Variants in AP2B1 observed in about 807,000 individuals in gnomAD.
AP2B1 encodes the protein AP-2 complex subunit beta.
Under a neutral mutation model 102.0 loss-of-function variants are expected in AP2B1, and 23 were observed. The ratio of observed to expected loss-of-function variants is 0.23; its 90% CI spans 0.16 to 0.32. The LOEUF is 0.32. Ranked by LOEUF, AP2B1 falls within the 10% of genes least tolerant of loss-of-function variation. The pLI, the probability that AP2B1 is intolerant of heterozygous loss-of-function variation, is 1.00. For missense variants in AP2B1, 541 were observed against 1,157.4 expected (o/e 0.47, Z 7.73); for synonymous variants, 381 against 421.2 (o/e 0.90, Z 1.17).
chr17:35,632,797 T>C (rs1264923474), intron 9 of AP2B1, among the ~76,000 whole-genome samples: 1 of 152,088 alleles, frequency 6.6e-6, no homozygotes, highest in Non-Finnish European at 1.5e-5. Context: ...TTAATGATAA[T>C]ACTACGGATT....
intron 14 of AP2B1, among the ~76,000 whole-genome samples, chr17:35,669,166 G>A (rs2075533947): frequency 6.7e-6 from 1 of 148,522 alleles, no homozygotes; most frequent in Admixed American, 6.7e-5. Flanking sequence ...TTTCCGAGAT[G>A]GAGTCTTGCT....
At chr17:35,635,628 T>C (rs1372493881) in intron 9 of AP2B1, among the ~76,000 whole-genome samples, 1 of 152,116 alleles carries the variant, frequency 6.6e-6, no homozygotes, top group East Asian at 1.9e-4. Flanking sequence ...ATGATCCAGC[T>C]GCCTCGGCCT....
chr17:35,618,746 C>G (rs551619864), intron 5 of AP2B1, among the ~76,000 whole-genome samples: 95 of 152,114 alleles, frequency 6.2e-4, no homozygotes, highest in African/African-American at 2.2e-3. Flanking sequence ...TTTATTCTAA[C>G]CATACCTACT....
chr17:35,611,890 T>G (rs191490317), intron 5 of AP2B1, among the ~76,000 whole-genome samples: 1 of 152,336 alleles, frequency 6.6e-6, no homozygotes. Flanking sequence ...TATCATAATA[T>G]TATAGTAAAC....
intron 9 of AP2B1, among the ~76,000 whole-genome samples, chr17:35,635,693 T>G (rs1276934159): frequency 1.3e-5 from 2 of 151,860 alleles, no homozygotes; most frequent in Non-Finnish European, 2.9e-5. Context: ...TGGCCTTTTG[T>G]TTGTTTGTGT....
intron 21 of AP2B1, among the ~76,000 whole-genome samples, chr17:35,720,577 T>TTTA (rs2085354103): frequency 2.0e-5 from 1 of 49,940 alleles, no homozygotes; most frequent in Non-Finnish European, 3.8e-5. Flanking sequence ...ATATATATTT[T>TTTA]TTTTTTTTTT....
At chr17:35,723,565 T>C in intron 21 of AP2B1, 60 bp from the exon 22 acceptor site, 1 of 1,131,836 alleles carries the variant, frequency 8.8e-7, no homozygotes, top group Non-Finnish European at 1.3e-6. Context: ...AGTGCTTGGA[T>C]ACCTTTAGAG....
intron 5 of AP2B1, among the ~76,000 whole-genome samples, chr17:35,620,752 G>A (rs2074152268): frequency 6.6e-6 from 1 of 152,152 alleles, no homozygotes; most frequent in Non-Finnish European, 1.5e-5. Context: ...AGGAGTTTGA[G>A]ATTACAGTGA....
chr17:35,717,511 C>T (rs1167294107), intron 21 of AP2B1, among the ~76,000 whole-genome samples, 162 bp downstream of exon 21: 4 of 152,276 alleles, frequency 2.6e-5, no homozygotes, highest in South Asian at 4.1e-4. Flanking sequence ...CAATGGAAGA[C>T]CTCCTCTCTG....
chr17:35,673,033 A>T (rs2075622692), intron 16 of AP2B1, among the ~76,000 whole-genome samples: 1 of 152,088 alleles, frequency 6.6e-6, no homozygotes, highest in Admixed American at 6.5e-5. Flanking sequence ...TACTGAATTG[A>T]TACACCATAA....
chr17:35,597,538 G>A (rs2073333111), intron 2 of AP2B1, among the ~76,000 whole-genome samples: 1 of 152,182 alleles, frequency 6.6e-6, no homozygotes, highest in South Asian at 2.1e-4. Context: ...GGGCCTTAAA[G>A]CCCACTGATT....
intron 3 of AP2B1, among the ~76,000 whole-genome samples, chr17:35,601,846 T>G (rs546703163): frequency 6.6e-6 from 1 of 151,848 alleles, no homozygotes; most frequent in Non-Finnish European, 1.5e-5. Flanking sequence ...GGCGTGATCT[T>G]GGCTCACTGC....
At chr17:35,638,789 GAAAA>G (rs11286699) in intron 10 of AP2B1, among the ~76,000 whole-genome samples, 18 of 110,538 alleles carry the variant, frequency 1.6e-4, no homozygotes, top group Non-Finnish European at 2.6e-4. Context: ...ACTCCGTCTT[GAAAA>G]AAAAAAAAAA....
At chr17:35,723,576 C>G (rs150968281) in intron 21 of AP2B1, 49 bp from the exon 22 acceptor site, 2 of 1,313,818 alleles carry the variant, frequency 1.5e-6, no homozygotes, top group African/African-American at 2.9e-5. Flanking sequence ...ACCTTTAGAG[C>G]TAATGCCAAC....
Position 35,591,434 on chromosome 17 carries a change from A to T in AP2B1, c.-23-2574A>T, listed in dbSNP as rs1036643220. ...GCCATCCGCACGCCTCGTCCTCCCA[A>T]AGTGTTGGGATTACAGGCGTGAGCC... is the stretch of plus-strand genomic sequence containing the variant. On this transcript the variant is annotated intron_variant, in intron 1 of 21. Transcript: ENST00000610402. Among the ~76,000 whole-genome samples, 4 of 152,238 alleles carry T rather than the reference A, an allele frequency of 2.6e-5. No homozygotes were observed. The East Asian group carries it at 7.7e-4, about 29-fold the overall frequency.
Position 35,634,466 on chromosome 17 carries a change from G to T in AP2B1, c.1156-1875G>T, listed in dbSNP as rs533480342. Among the ~76,000 whole-genome samples the T allele has an allele frequency of 6.1e-4, 93 of 152,188 alleles. 1 individual carries two copies. In the South Asian group the frequency reaches 6.2e-3, roughly 10 times the overall value. On this transcript the variant is annotated intron_variant, in intron 9 of 21. Coordinates refer to ENST00000610402, the MANE Select transcript of AP2B1 (RefSeq NM_001030006.2). ...AGTACATTGTAATATATGATAGGCT[G>T]GTCCTTGACTTTTAGGATCTCTGTT...
intron 7 of AP2B1, among the ~76,000 whole-genome samples, chr17:35,627,161 A>G (rs374099099): frequency 2.0e-5 from 3 of 151,548 alleles, no homozygotes; most frequent in South Asian, 2.1e-4. Context: ...CTTCATGGCA[A>G]CATGTGCCCT....
At chr17:35,677,677 A>G (rs1423946831) in intron 17 of AP2B1, among the ~76,000 whole-genome samples, 1 of 152,130 alleles carries the variant, frequency 6.6e-6, no homozygotes, top group Non-Finnish European at 1.5e-5. Context: ...TGCAGTGAAT[A>G]AGTAGATCAA....
Position 35,671,734 on chromosome 17 carries a change from C to CT in AP2B1, c.2032-10dup, listed in dbSNP as rs367881522. The CT allele has an allele frequency of 4.1e-3, 5,392 of 1,305,946 alleles. No homozygotes were observed. The highest frequency in any genetic ancestry group is 7.4e-3 in the South Asian group (519 of 70,568). The allele number at this position is 1,305,946 out of a possible 1,614,324, so 80.9% of individuals were successfully genotyped here. A position where few individuals can be genotyped will look rare whatever the true frequency, so the allele number is the denominator to read the frequency against. On this transcript the variant is annotated intron_variant, in intron 15 of 21. Transcript: ENST00000610402. Reference sequence around the variant, plus strand: ...CTGTTCTTCCCAATCTCCCCTCTCCCTTTTTTTTTTCTCCTGCAGGTGGGA... The same window carrying CT: ...CTGTTCTTCCCAATCTCCCCTCTCCCTTTTTTTTTTTCTCCTGCAGGTGGGA...
Sources: allele counts gnomAD v4.1 joint callset (sites outside exome capture counted in the v4.1 genomes callset), GRCh38; gene constraint gnomAD v4.1.1; transcripts MANE v1.5; gene names NCBI Gene and HGNC (gene_info 2026-07-23, HGNC 2026-07-21).